GPR158: variants seen among roughly 807,000 people sequenced by gnomAD.
GPR158 encodes the protein metabotropic glycine receptor.
In GPR158, 30 loss-of-function variants were observed where a neutral mutation model predicts 78.2. That is an observed-to-expected ratio of 0.38 (90% CI 0.29 to 0.52). The LOEUF is 0.52. Among genes scored for constraint, GPR158 ranks in the 20% least tolerant of loss-of-function variants. The probability of loss-of-function intolerance (pLI) is 0.83; values close to 1 mark genes in which losing one functional copy is unlikely to be tolerated. For missense variants in GPR158, 1,463 were observed against 1,523.5 expected (o/e 0.96, Z 0.66); for synonymous variants, 581 against 591.1 (o/e 0.98, Z 0.25).
At chr10:25,540,666 A>G (rs1588904517) in intron 5 of GPR158, among the ~76,000 whole-genome samples, 1 of 152,048 alleles carries the variant, frequency 6.6e-6, no homozygotes, top group Non-Finnish European at 1.5e-5. Context: ...GCTGGAAACC[A>G]TCATTCTCAG....
At chr10:25,410,565 G>A (rs1408449988) in intron 3 of GPR158, among the ~76,000 whole-genome samples, 3 of 152,094 alleles carry the variant, frequency 2.0e-5, no homozygotes, top group Non-Finnish European at 2.9e-5. Context: ...GCAGTGAGCC[G>A]AGATGATGCC....
intron 5 of GPR158, among the ~76,000 whole-genome samples, chr10:25,529,760 C>T (rs1170321935): frequency 6.6e-6 from 1 of 152,162 alleles, no homozygotes; most frequent in Non-Finnish European, 1.5e-5. Flanking sequence ...CTCACGACAG[C>T]CTTTTTCATT....
chr10:25,362,040 A>G (rs1051351765), intron 2 of GPR158, among the ~76,000 whole-genome samples: 4 of 151,930 alleles, frequency 2.6e-5, no homozygotes, highest in Admixed American at 6.6e-5. Context: ...TGTTAAAGAA[A>G]TTATTCTCAA....
At chr10:25,466,354 C>T (rs765607012) in intron 4 of GPR158, 2 of 265,798 alleles carry the variant, frequency 7.5e-6, no homozygotes, top group Non-Finnish European at 1.4e-5. Context: ...CTTCTCGTCT[C>T]AAAAGTATCT....
intron 2 of GPR158, among the ~76,000 whole-genome samples, chr10:25,326,023 A>G (rs1174910331): frequency 1.3e-5 from 2 of 152,078 alleles, no homozygotes; most frequent in African/African-American, 2.4e-5. Context: ...AATATGTGCC[A>G]TGATGGTTTG....
rs766322415 is a variant in GPR158 at position 25,597,912 on chromosome 10, A to G, written c.2286A>G (p.Pro762=). The G allele has an allele frequency of 6.2e-7, 1 of 1,611,970 alleles. No homozygotes were observed. Among genetic ancestry groups the G allele is most frequent in the Non-Finnish European group, 8.5e-7 (1 of 1,178,982 alleles). ...RSIMRRITEI[P]ETVSRQCSKE... Reference sequence around the variant, plus strand: ...TCATGAGACGCATTACGGAGATCCCAGAGACAGTCAGCCGGCAGTGCTCTA... The same window carrying G: ...TCATGAGACGCATTACGGAGATCCCGGAGACAGTCAGCCGGCAGTGCTCTA... Residue 762 remains proline (P), a synonymous_variant, in exon 11 of 11, where the codon CCA becomes CCG. Coordinates refer to ENST00000376351, the MANE Select transcript of GPR158 (RefSeq NM_020752.3).
chr10:25,378,390 A>G (rs536313203), intron 2 of GPR158, among the ~76,000 whole-genome samples: 1 of 136,024 alleles, frequency 7.4e-6, no homozygotes, highest in East Asian at 2.0e-4. Context: ...AAAACTACAT[A>G]ACAATGATAG....
chr10:25,201,022 AC>A (rs1162764847), intron 1 of GPR158, among the ~76,000 whole-genome samples: 2 of 150,638 alleles, frequency 1.3e-5, no homozygotes, highest in African/African-American at 4.9e-5. Context: ...GAATTTTAAA[AC>A]CTTCTAATTC....
intron 5 of GPR158, among the ~76,000 whole-genome samples, chr10:25,545,158 A>G (rs945240150): frequency 6.6e-6 from 1 of 152,232 alleles, no homozygotes; most frequent in Non-Finnish European, 1.5e-5. Flanking sequence ...ACAGTGCTGC[A>G]GTAAACATAT....
At chr10:25,261,927 A>G (rs1853973616) in intron 2 of GPR158, among the ~76,000 whole-genome samples, 1 of 152,136 alleles carries the variant, frequency 6.6e-6, no homozygotes. Context: ...ACGCTGTTTT[A>G]TGACCCTCTT....
At chr10:25,293,749 T>TAA (rs1854472685) in intron 2 of GPR158, among the ~76,000 whole-genome samples, 2 of 34,176 alleles carry the variant, frequency 5.9e-5, no homozygotes, top group African/African-American at 1.5e-4. Context: ...CCTGTAATTT[T>TAA]TTTTTTTTTT....
chr10:25,387,152 A>G (rs749893037), intron 2 of GPR158, among the ~76,000 whole-genome samples: 2 of 151,966 alleles, frequency 1.3e-5, no homozygotes, highest in African/African-American at 4.8e-5. Context: ...ATTTCCTCCT[A>G]TTTTTAGTAT....
chr10:25,200,879 T>TG (rs1355143972), intron 1 of GPR158, among the ~76,000 whole-genome samples: 65 of 150,478 alleles, frequency 4.3e-4, no homozygotes, highest in African/African-American at 1.6e-3. Context: ...TTTTTTTTTT[T>TG]TTTTTTTTCA....
At chr10:25,223,953 G>A (rs1282533062) in intron 2 of GPR158, among the ~76,000 whole-genome samples, 2 of 152,096 alleles carry the variant, frequency 1.3e-5, no homozygotes, top group African/African-American at 2.4e-5. Flanking sequence ...CCAGCCTCTA[G>A]GGTATGTACA....
rs866884575 is a variant in GPR158 at position 25,599,411 on chromosome 10, G to T, written c.*137G>T. The stretch of plus-strand genomic sequence containing the variant: ...ATGGTGAGGTAAAGTCAAAGGCATG[G>T]GTAGAAGAGGACCAGGGGGGCAAGA... On this transcript the variant is annotated 3_prime_UTR_variant, in exon 11 of 11. Transcript: ENST00000376351. The T allele has an allele frequency of 1.7e-4, 114 of 680,978 alleles. 1 individual carries two copies. Among genetic ancestry groups the T allele is most frequent in the South Asian group, 1.7e-3 (84 of 50,540 alleles). 42.2% of individuals were successfully genotyped at this position (680,978 alleles called of 1,614,324 possible).
At chr10:25,253,170 G>C (rs1384239016) in intron 2 of GPR158, among the ~76,000 whole-genome samples, 2 of 152,244 alleles carry the variant, frequency 1.3e-5, no homozygotes, top group South Asian at 2.1e-4. Flanking sequence ...CCCTGCTTCG[G>C]CTCGCGCACC....
At chr10:25,211,780 C>T (rs1176224869) in intron 1 of GPR158, among the ~76,000 whole-genome samples, 3 of 152,178 alleles carry the variant, frequency 2.0e-5, no homozygotes, top group Admixed American at 2.0e-4. Flanking sequence ...TACCTGTGTA[C>T]ATGGTATTGG....
intron 2 of GPR158, among the ~76,000 whole-genome samples, chr10:25,229,817 T>TA (rs1436300834): frequency 6.6e-6 from 1 of 152,214 alleles, no homozygotes; most frequent in African/African-American, 2.4e-5. Context: ...TATTATCCTG[T>TA]ACCAGGTGTC....
chr10:25,593,622 T>G (rs192994474), intron 8 of GPR158, among the ~76,000 whole-genome samples: 40 of 152,164 alleles, frequency 2.6e-4, no homozygotes, highest in African/African-American at 9.4e-4. Flanking sequence ...ACCTTAGTAT[T>G]GAATTTCTCC....
Sources: gnomAD v4.1 joint callset for allele counts (sites outside exome capture counted in the v4.1 genomes callset) on GRCh38, gnomAD v4.1.1 for gene constraint, MANE v1.5 for transcripts, NCBI Gene and HGNC (gene_info 2026-07-23, HGNC 2026-07-21) for gene names.